Variants in WDR75 observed in about 807,000 individuals in gnomAD.
WDR75 encodes the protein WD repeat-containing protein 75.
Under a neutral mutation model 106.1 loss-of-function variants are expected in WDR75, and 52 were observed. The ratio of observed to expected loss-of-function variants is 0.49; its 90% CI spans 0.39 to 0.62. The LOEUF (loss-of-function observed/expected upper bound fraction) is 0.62, where lower values mean the gene tolerates loss of function less well. WDR75 is among the 20% of genes least tolerant of loss of function. The pLI is 0.00. For missense variants in WDR75, 905 were observed against 970.3 expected, an observed-to-expected ratio of 0.93 and a Z score of 0.89; for synonymous variants, 333 against 335.5, an observed-to-expected ratio of 0.99 and a Z score of 0.08.
At chr2:189,448,612 A>C in intron 2 of WDR75, 104 bp downstream of exon 2, 2 of 1,431,786 alleles carry the variant, frequency 1.4e-6, no homozygotes, top group Non-Finnish European at 1.9e-6. Flanking sequence ...TAAGTAAAAT[A>C]TTTGCTTATT....
In WDR75 at chr2:189,441,488, CAA is replaced by C. The variant is rs1422504301; in HGVS notation, c.-3_-2del. 2.6e-6 allele frequency: 4 copies of C among 1,559,302 alleles called. No individual in the cohort carries two copies. The Admixed American group carries it at 7.7e-5, about 30-fold the overall frequency. On this transcript the variant is annotated 5_prime_UTR_variant, in exon 1 of 21. Transcript: ENST00000314761. Reference sequence around the variant, plus strand: ...AGAGATTGGCCATTCCGCTACTGCGCAAAGATGGTGGAGGAGGAGAACATCCG... The same window carrying C: ...AGAGATTGGCCATTCCGCTACTGCGCAGATGGTGGAGGAGGAGAACATCCG...
At chr2:189,452,423 A>G (rs929540163) in intron 4 of WDR75, among the ~76,000 whole-genome samples, 1 of 152,008 alleles carries the variant, frequency 6.6e-6, no homozygotes, top group African/African-American at 2.4e-5. Flanking sequence ...TTAGCCGGGT[A>G]TGGTGGCAGG....
chr2:189,469,392 A>C lies in WDR75; in HGVS notation c.1772A>C (p.Asn591Thr). 6.2e-7 allele frequency: 1 copy of C among 1,613,676 alleles called. No individual in the cohort carries two copies. Residue 591 changes from asparagine (N) to threonine (T), a missense_variant, in exon 16 of 21, where the codon AAT becomes ACT. Coordinates refer to ENST00000314761, the MANE Select transcript of WDR75 (RefSeq NM_032168.3). ...GTTAGAGTTATGGAACCCGATCCTA[A>C]TTCAGAGAATATTGCTGCAATCTCT... is the stretch of plus-strand genomic sequence containing the variant. ...LNVRVMEPDPNSENIAAISQS... is the reference protein window; with the variant it reads ...LNVRVMEPDPTSENIAAISQS...
In WDR75 at chr2:189,475,309, A is replaced by T; in HGVS notation, c.2385A>T (p.Thr795=). Residue 795 remains threonine (T), a synonymous_variant, in exon 21 of 21, where the codon ACA becomes ACT. Transcript: ENST00000314761. ...ATTTTACCGAAAAAGTCCAGGATAC[A>T]AGTAACACAGGTTTAGGAGAAGACA... ...ENDFTEKVQD[T]SNTGLGEDII... 2 of 1,612,830 alleles carry T rather than the reference A, an allele frequency of 1.2e-6. No individual in the cohort carries two copies. Among genetic ancestry groups the T allele is most frequent in the Non-Finnish European group, 1.7e-6 (2 of 1,179,130 alleles).
At position 189,463,904 on chromosome 2, in the gene WDR75, T is replaced by C; in HGVS notation, c.1056T>C (p.Asn352=). The part of the protein sequence containing the change: ...IDPRTKALVL[N]GKPGHLQFYS... ...CAAGAACTAAAGCTTTGGTTTTGAA[T>C]GGAAAACCTGGCCACCTGCAGTTTT... Residue 352 remains asparagine, a synonymous_variant, in exon 11 of 21, where the codon AAT becomes AAC. Coordinates refer to ENST00000314761, the MANE Select transcript of WDR75 (RefSeq NM_032168.3). The C allele has an allele frequency of 6.2e-7, 1 of 1,613,962 alleles. No individual in the cohort carries two copies.
intron 4 of WDR75, among the ~76,000 whole-genome samples, chr2:189,453,835 C>A (rs1197399156): frequency 6.6e-6 from 1 of 152,070 alleles, no homozygotes; most frequent in East Asian, 1.9e-4. Flanking sequence ...GTTCCACAGC[C>A]CAAAACCAGA....
intron 18 of WDR75, among the ~76,000 whole-genome samples, chr2:189,472,130 G>A (rs889609991): frequency 2.0e-5 from 3 of 152,204 alleles, no homozygotes; most frequent in Non-Finnish European, 4.4e-5. Flanking sequence ...AGTGAGAAAA[G>A]TAGTCAAGTC....
At chr2:189,467,996 C>T (rs770354524) in intron 14 of WDR75, among the ~76,000 whole-genome samples, 15 of 152,050 alleles carry the variant, frequency 9.9e-5, no homozygotes, top group East Asian at 1.9e-4. Flanking sequence ...TCATTGTTTC[C>T]GAGAGGTGCA....
intron 4 of WDR75, among the ~76,000 whole-genome samples, chr2:189,453,023 G>C (rs761028935): frequency 6.6e-6 from 1 of 152,148 alleles, no homozygotes. Context: ...AGAAAAGTAA[G>C]TTAGATGTGG....
intron 16 of WDR75, 64 bp from the exon 17 acceptor site, chr2:189,470,012 A>G: frequency 1.4e-6 from 2 of 1,426,902 alleles, no homozygotes; most frequent in Non-Finnish European, 1.9e-6. Context: ...GTGATCTGCC[A>G]GTCTGAGGCT....
intron 1 of WDR75, among the ~76,000 whole-genome samples, chr2:189,442,665 C>G (rs922590357): frequency 2.4e-4 from 36 of 151,916 alleles, no homozygotes; most frequent in African/African-American, 7.7e-4. Context: ...GGCCAGGCTG[C>G]CCTGGAACTC....
At chr2:189,473,305 T>C (rs1460678133) in intron 18 of WDR75, among the ~76,000 whole-genome samples, 2 of 152,104 alleles carry the variant, frequency 1.3e-5, no homozygotes, top group African/African-American at 4.8e-5. Context: ...CATCTTCACA[T>C]AGAGTAGGCT....
intron 12 of WDR75, 140 bp from the exon 13 acceptor site, chr2:189,466,285 C>G: frequency 1.1e-6 from 1 of 920,178 alleles, no homozygotes; most frequent in East Asian, 2.4e-5. Context: ...AGGTAGAGCA[C>G]TCAATTGTTT....
At chr2:189,445,258 C>T (rs6718570) in intron 1 of WDR75, among the ~76,000 whole-genome samples, 3,692 of 152,262 alleles carry the variant, frequency 0.024, 162 homozygotes, top group African/African-American at 0.084. Context: ...AGCTGACATT[C>T]GAATCCATTT....
Position 189,475,438 on chromosome 2 carries a change from C to T in WDR75, c.*21C>T, listed in dbSNP as rs746879449. 1 of 1,467,906 alleles carries T rather than the reference C, an allele frequency of 6.8e-7. No homozygotes were observed. Among genetic ancestry groups the T allele is most frequent in the Admixed American group, 2.1e-5 (1 of 48,076 alleles). 90.9% of individuals were successfully genotyped at this position (1,467,906 alleles called of 1,614,324 possible). A position where few individuals can be genotyped will look rare whatever the true frequency, so the allele number is the denominator to read the frequency against. ...TTTAAGCCTTGGAGATGGGGAGGAT[C>T]CTTGGACTTTGTGTTTTTGATTGTA... On this transcript the variant is annotated 3_prime_UTR_variant, in exon 21 of 21. Coordinates refer to ENST00000314761, the MANE Select transcript of WDR75 (RefSeq NM_032168.3).
intron 1 of WDR75, among the ~76,000 whole-genome samples, chr2:189,445,025 TGTG>T (rs1686465547): frequency 2.0e-5 from 3 of 152,208 alleles, no homozygotes; most frequent in African/African-American, 7.2e-5. Flanking sequence ...TGACAGGTGT[TGTG>T]GTGGGTGCAT....
intron 18 of WDR75, among the ~76,000 whole-genome samples, chr2:189,471,642 A>T (rs1687122033): frequency 6.6e-6 from 1 of 152,206 alleles, no homozygotes; most frequent in African/African-American, 2.4e-5. Flanking sequence ...GTCATAAAGG[A>T]TTATTTCCAA....
chr2:189,442,201 G>T (rs1039681183), intron 1 of WDR75, among the ~76,000 whole-genome samples: 2 of 152,014 alleles, frequency 1.3e-5, no homozygotes, highest in Non-Finnish European at 2.9e-5. Flanking sequence ...TGTAAAGGGG[G>T]ACAATATTTA....
intron 18 of WDR75, among the ~76,000 whole-genome samples, chr2:189,473,329 A>T (rs1225125455): frequency 6.6e-6 from 1 of 152,186 alleles, no homozygotes. Context: ...GAAGAGAAGG[A>T]GTTGATCTTG....
Sources: allele counts gnomAD v4.1 joint callset (sites outside exome capture counted in the v4.1 genomes callset), GRCh38; gene constraint gnomAD v4.1.1; transcripts MANE v1.5; gene names NCBI Gene and HGNC (gene_info 2026-07-23, HGNC 2026-07-21).